The following OR2A12 variants were observed in gnomAD, a reference collection of about 807,000 sequenced individuals.
OR2A12 encodes the protein olfactory receptor 2A12.
For missense variants in OR2A12, 380 were observed against 372.5 expected (o/e 1.02, Z -0.17); for synonymous variants, 153 against 149.3 (o/e 1.02, Z -0.18).
chr7:144,091,647 C>T (rs1327935838), intron 1 of OR2A12, among the ~76,000 whole-genome samples: 1 of 151,896 alleles, frequency 6.6e-6, no homozygotes, highest in Non-Finnish European at 1.5e-5. Context: ...TTGTTCGCTG[C>T]TTGTATGTCT....
chr7:144,095,609 T>C lies in OR2A12; in HGVS notation c.502T>C (p.Cys168Arg). 1 of 1,614,148 alleles carries C rather than the reference T, an allele frequency of 6.2e-7. No individual in the cohort carries two copies. The highest frequency in any genetic ancestry group is 8.5e-7 in the Non-Finnish European group (1 of 1,180,020). Reference protein sequence around the residue: ...HITLILRLPFCGPQKINHFFC... With the variant: ...HITLILRLPFRGPQKINHFFC... ...TACTCTTATTCTGAGGCTGCCTTTT[T>C]GTGGCCCACAAAAGATCAACCACTT... is the stretch of plus-strand genomic sequence containing the variant. Residue 168 changes from cysteine to arginine, a missense_variant, in exon 2 of 2, where the codon TGT (cysteine) becomes CGT (arginine). Coordinates refer to ENST00000641592, the MANE Select transcript of OR2A12 (RefSeq NM_001004135.2).
chr7:144,089,131 C>T (rs562142860), intron 1 of OR2A12, among the ~76,000 whole-genome samples: 1 of 152,242 alleles, frequency 6.6e-6, no homozygotes, highest in Admixed American at 6.5e-5. Flanking sequence ...CTATTTGAAT[C>T]TTGCAGTCTT....
chr7:144,096,825 A>G lies in OR2A12; in HGVS notation c.*785A>G, dbSNP rs2051267879. 6.6e-6 allele frequency: 1 copy of G among 152,234 alleles called. No homozygotes were observed. 9.4% of individuals were successfully genotyped at this position (152,234 alleles called of 1,614,324 possible). Reference sequence around the variant, plus strand: ...TTCTTTATAAGCTAATATCGCAGTAAGACTTTCTAAACAGAATCTACCAAA... The same window carrying G: ...TTCTTTATAAGCTAATATCGCAGTAGGACTTTCTAAACAGAATCTACCAAA... On this transcript the variant is annotated 3_prime_UTR_variant, in exon 2 of 2. Coordinates refer to ENST00000641592, the MANE Select transcript of OR2A12 (RefSeq NM_001004135.2).
chr7:144,088,163 C>T (rs1370964899), intron 1 of OR2A12, among the ~76,000 whole-genome samples: 2 of 152,226 alleles, frequency 1.3e-5, no homozygotes, highest in African/African-American at 4.8e-5. Flanking sequence ...AGATGCCCAA[C>T]ACCACGCCCT....
chr7:144,089,597 T>C (rs2051214476), intron 1 of OR2A12, among the ~76,000 whole-genome samples: 1 of 152,172 alleles, frequency 6.6e-6, no homozygotes, highest in South Asian at 2.1e-4. Context: ...TGCTGTTGGA[T>C]TGATAACGTT....
At chr7:144,086,639 C>G (rs1253624328) in intron 1 of OR2A12, 96 bp downstream of exon 1, 1 of 152,152 alleles carries the variant, frequency 6.6e-6, no homozygotes, top group East Asian at 1.9e-4. Context: ...TGTCCCAGTC[C>G]TCAGGATAGA....
At chr7:144,094,513 T>C (rs2051248000) in intron 1 of OR2A12, among the ~76,000 whole-genome samples, 1 of 152,210 alleles carries the variant, frequency 6.6e-6, no homozygotes, top group Non-Finnish European at 1.5e-5. Context: ...TTCTGATTCA[T>C]TTCCAGTGTA....
intron 1 of OR2A12, among the ~76,000 whole-genome samples, chr7:144,090,900 A>G (rs1184807075): frequency 2.6e-5 from 4 of 152,204 alleles, no homozygotes; most frequent in Non-Finnish European, 4.4e-5. Context: ...TCCATGGCGT[A>G]TATGTACCAC....
In OR2A12 at chr7:144,095,230, T is replaced by C. The variant is rs2051253265; in HGVS notation, c.123T>C (p.Asn41=). 6.2e-7 allele frequency: 1 copy of C among 1,614,014 alleles called. No individual in the cohort carries two copies. Among genetic ancestry groups the C allele is most frequent in the Non-Finnish European group, 8.5e-7 (1 of 1,179,950 alleles). Residue 41 remains asparagine, a synonymous_variant, in exon 2 of 2, where the codon AAT becomes AAC. Transcript: ENST00000641592. ...LLFYSLTLMG[N]GIILGLIYLD... is the part of the protein sequence containing the mutation. ...TCTACAGCTTAACCCTGATGGGAAA[T>C]GGGATTATCCTGGGGCTCATCTACT...
rs752419660 is a variant in OR2A12 at position 144,095,368 on chromosome 7, C to CA, written c.267dup (p.Val90SerfsTer31). 2 of 1,613,552 alleles carry CA rather than the reference C, an allele frequency of 1.2e-6. No homozygotes were observed. Among genetic ancestry groups the CA allele is most frequent in the Non-Finnish European group, 1.7e-6 (2 of 1,179,534 alleles). ...AGATGCTAGCAAATCTTGTGATGCACAAAAAAGTCATCTCCTTTGCTCCTT... is the reference window on the plus strand; with the variant it reads ...AGATGCTAGCAAATCTTGTGATGCACAAAAAAAGTCATCTCCTTTGCTCCTT... On this transcript the variant is annotated frameshift_variant, in exon 2 of 2. Coordinates refer to ENST00000641592, the MANE Select transcript of OR2A12 (RefSeq NM_001004135.2). LOFTEE classifies it low-confidence loss of function (END_TRUNC).
In OR2A12 at chr7:144,095,161, G is replaced by C; in HGVS notation, c.54G>C (p.Val18=). 1 of 1,613,744 alleles carries C rather than the reference G, an allele frequency of 6.2e-7. No individual in the cohort carries two copies. Among genetic ancestry groups the C allele is most frequent in the Non-Finnish European group, 8.5e-7 (1 of 1,179,814 alleles). Residue 18 remains valine (V), a synonymous_variant, in exon 2 of 2, where the codon GTG becomes GTC. Coordinates refer to ENST00000641592, the MANE Select transcript of OR2A12 (RefSeq NM_001004135.2). ...ITEVILLGFQ[V]DPALELFLFG... ...AAGTCATCCTGTTGGGATTCCAGGT[G>C]GACCCAGCTCTGGAGTTGTTCCTCT...
intron 1 of OR2A12, among the ~76,000 whole-genome samples, chr7:144,088,340 CTG>C (rs1441299809): frequency 3.9e-5 from 6 of 152,188 alleles, no homozygotes; most frequent in Non-Finnish European, 8.8e-5. Context: ...GTTAACCACT[CTG>C]TGTCACTGGT....
At chr7:144,092,513 G>T (rs1428724250) in intron 1 of OR2A12, among the ~76,000 whole-genome samples, 8 of 152,068 alleles carry the variant, frequency 5.3e-5, no homozygotes, top group Non-Finnish European at 1.2e-4. Flanking sequence ...TGATATCTTT[G>T]AACAGTGTTT....
At chr7:144,089,583 G>A (rs1338137070) in intron 1 of OR2A12, among the ~76,000 whole-genome samples, 3 of 149,344 alleles carry the variant, frequency 2.0e-5, no homozygotes, top group Non-Finnish European at 4.5e-5. Flanking sequence ...TTTCTTTTTT[G>A]GCCTGCTGTT....
At position 144,096,115 on chromosome 7, in the gene OR2A12, C is replaced by T. The variant is rs1269814842; in HGVS notation, c.*75C>T. 2.8e-6 allele frequency: 3 copies of T among 1,056,478 alleles called. No homozygotes were observed. The highest frequency in any genetic ancestry group is 4.2e-6 in the Non-Finnish European group (3 of 715,422). 65.4% of individuals were successfully genotyped at this position (1,056,478 alleles called of 1,614,324 possible). On this transcript the variant is annotated 3_prime_UTR_variant, in exon 2 of 2. Transcript: ENST00000641592. ...GGGTCCTGAAATTTCCTTTTTAATT[C>T]TTTAATTTACCACACCCAATACTGT...
rs144804718 is a variant in OR2A12 at position 144,088,640 on chromosome 7, T to C, written c.-52+2097T>C. On this transcript the variant is annotated intron_variant, in intron 1 of 1. Transcript: ENST00000641592. ...ATCTATAAACACACAATTATATTAA[T>C]GTATACATGCATATATACATATCTC... Among the ~76,000 whole-genome samples the C allele has an allele frequency of 6.1e-3, 925 of 152,374 alleles. 8 individuals carry two copies. Among genetic ancestry groups the C allele is most frequent in the African/African-American group, 0.021 (863 of 41,586 alleles).
Position 144,096,919 on chromosome 7 carries a change from G to A in OR2A12, c.*879G>A, listed in dbSNP as rs115998676. The A allele has an allele frequency of 1.1e-4, 17 of 152,072 alleles. No homozygotes were observed. The highest frequency in any genetic ancestry group is 1.0e-3 in the South Asian group (5 of 4,820). The allele number at this position is 152,072 out of a possible 1,614,324, so 9.4% of individuals were successfully genotyped here. On this transcript the variant is annotated 3_prime_UTR_variant, in exon 2 of 2. Coordinates refer to ENST00000641592, the MANE Select transcript of OR2A12 (RefSeq NM_001004135.2). ...TGAAATGTTAGCATCTGTCCTTTTCGGGTAAAGAATCAGACACAAAAAAAA... is the reference window on the plus strand; with the variant it reads ...TGAAATGTTAGCATCTGTCCTTTTCAGGTAAAGAATCAGACACAAAAAAAA...
chr7:144,086,711 C>A (rs1361097919), intron 1 of OR2A12, among the ~76,000 whole-genome samples, 168 bp downstream of exon 1: 1 of 152,200 alleles, frequency 6.6e-6, no homozygotes, highest in African/African-American at 2.4e-5. Context: ...CAGCTCCAAC[C>A]TTTCCGCATC....
At chr7:144,092,974 C>A (rs2051237213) in intron 1 of OR2A12, among the ~76,000 whole-genome samples, 1 of 152,016 alleles carries the variant, frequency 6.6e-6, no homozygotes, top group African/African-American at 2.4e-5. Context: ...AAAGTCTACA[C>A]ACAGTGAAAC....
Sources: gnomAD v4.1 joint callset for allele counts (sites outside exome capture counted in the v4.1 genomes callset) on GRCh38, gnomAD v4.1.1 for gene constraint, MANE v1.5 for transcripts, NCBI Gene and HGNC (gene_info 2026-07-23, HGNC 2026-07-21) for gene names.